ZMIZ1: variants seen among roughly 807,000 people sequenced by gnomAD.
ZMIZ1 encodes zinc finger MIZ domain-containing protein 1.
A neutral mutation model predicts 113.9 loss-of-function variants in ZMIZ1; 17 were observed. The observed-to-expected ratio is 0.15, with a 90% CI of 0.10 to 0.22. The LOEUF (loss-of-function observed/expected upper bound fraction) is 0.22, where lower values mean the gene tolerates loss of function less well. Ranked by LOEUF, ZMIZ1 falls within the 10% of genes least tolerant of loss-of-function variation. The pLI is 1.00. For synonymous variants in ZMIZ1, 607 were observed against 603.1 expected (o/e 1.01, Z -0.09); for missense variants, 1,059 against 1,477.8 (o/e 0.72, Z 4.65).
intron 1 of ZMIZ1, among the ~76,000 whole-genome samples, chr10:79,072,297 C>T (rs1017781525): frequency 1.3e-5 from 2 of 152,210 alleles, no homozygotes; most frequent in Non-Finnish European, 2.9e-5. Flanking sequence ...CTTCCCTAGC[C>T]ACAATAACAA....
At chr10:79,310,225 G>A (rs1855030960) in intron 23 of ZMIZ1, among the ~76,000 whole-genome samples, 1 of 152,126 alleles carries the variant, frequency 6.6e-6, no homozygotes, top group South Asian at 2.1e-4. Context: ...GGCTGGTGCC[G>A]ACCAAGTGGG....
At chr10:79,128,511 G>C (rs1361547259) in intron 2 of ZMIZ1, among the ~76,000 whole-genome samples, 2 of 152,196 alleles carry the variant, frequency 1.3e-5, no homozygotes, top group African/African-American at 2.4e-5. Context: ...AATCGCAGTG[G>C]GCAAAACATG....
intron 7 of ZMIZ1, among the ~76,000 whole-genome samples, chr10:79,230,069 G>C (rs1033426855): frequency 7.9e-5 from 12 of 152,162 alleles, no homozygotes; most frequent in African/African-American, 2.4e-5. Flanking sequence ...CCTGTGTGGG[G>C]ACGCTGCCCT....
chr10:79,292,508 G>T (rs1468359150), intron 11 of ZMIZ1, 152 bp downstream of exon 11: 5 of 1,048,556 alleles, frequency 4.8e-6, no homozygotes, highest in Non-Finnish European at 7.0e-6. Flanking sequence ...ATGGAAGCAT[G>T]TGGAGGTCTG....
At chr10:79,100,897 C>T (rs953643286) in intron 1 of ZMIZ1, among the ~76,000 whole-genome samples, 1 of 152,170 alleles carries the variant, frequency 6.6e-6, no homozygotes, top group African/African-American at 2.4e-5. Context: ...CCCTGGGTGC[C>T]TGCTAAACGT....
chr10:79,193,977 C>T (rs1043471473), intron 4 of ZMIZ1, among the ~76,000 whole-genome samples: 4 of 152,184 alleles, frequency 2.6e-5, no homozygotes, highest in Non-Finnish European at 5.9e-5. Flanking sequence ...GAAGTTTGTC[C>T]CTTTGGGAGT....
chr10:79,189,321 G>A lies in ZMIZ1; in HGVS notation c.-49-12263G>A, dbSNP rs184019066. The stretch of plus-strand genomic sequence containing the variant: ...TTCCCAGAGGGCCTGTAGAGTGGTG[G>A]TGTTTAACTCTGTCACGCAGGCACC... On this transcript the variant is annotated intron_variant, in intron 4 of 24. Transcript: ENST00000334512. 5.3e-5 allele frequency among the ~76,000 whole-genome samples: 8 copies of A among 152,300 alleles called. No homozygotes were observed. The East Asian group carries it at 1.4e-3, about 26-fold the overall frequency.
intron 1 of ZMIZ1, among the ~76,000 whole-genome samples, chr10:79,102,976 G>T (rs1490066545): frequency 6.6e-6 from 1 of 152,232 alleles, no homozygotes; most frequent in Non-Finnish European, 1.5e-5. Context: ...TAACATCATT[G>T]AGCAGGGCTG....
intron 7 of ZMIZ1, among the ~76,000 whole-genome samples, chr10:79,216,705 G>A (rs1228967312): frequency 1.3e-5 from 2 of 152,210 alleles, no homozygotes; most frequent in Non-Finnish European, 2.9e-5. Context: ...AGGGATTTAA[G>A]CCTAGGCCTG....
chr10:79,291,315 G>T (rs889405341), intron 10 of ZMIZ1, 139 bp downstream of exon 10: 45 of 1,123,274 alleles, frequency 4.0e-5, no homozygotes, highest in Non-Finnish European at 4.9e-5. Context: ...AGTTGAAGGG[G>T]CTCAGTCATC....
intron 2 of ZMIZ1, among the ~76,000 whole-genome samples, chr10:79,125,083 C>T (rs926107389): frequency 6.6e-6 from 1 of 152,208 alleles, no homozygotes; most frequent in African/African-American, 2.4e-5. Context: ...CCTTCATGCT[C>T]CACCACGGCC....
chr10:79,216,058 G>A lies in ZMIZ1; in HGVS notation c.175-111G>A, dbSNP rs75665251. On this transcript the variant is annotated intron_variant, in intron 6 of 24. Coordinates refer to ENST00000334512, the MANE Select transcript of ZMIZ1 (RefSeq NM_020338.4). ...CAGTGGACTTCTGGCTCTGCCTAAT[G>A]ATGGGGCACTGCCTTAGCTTGCCCA... 8.4e-6 allele frequency: 5 copies of A among 598,210 alleles called. No individual in the cohort carries two copies. In the East Asian group the frequency reaches 1.7e-4, roughly 20 times the overall value. The allele number at this position is 598,210 out of a possible 1,614,324, so 37.1% of individuals were successfully genotyped here. A position where few individuals can be genotyped will look rare whatever the true frequency, so the allele number is the denominator to read the frequency against.
intron 3 of ZMIZ1, among the ~76,000 whole-genome samples, chr10:79,153,017 G>C (rs988737987): frequency 6.6e-6 from 1 of 152,252 alleles, no homozygotes; most frequent in Non-Finnish European, 1.5e-5. Context: ...TGATGGGCAG[G>C]TGAAGGGTGA....
At chr10:79,126,812 TTGAGCTGATGCTGGGGATA>T (rs1179454629) in intron 2 of ZMIZ1, among the ~76,000 whole-genome samples, 2 of 152,142 alleles carry the variant, frequency 1.3e-5, no homozygotes, top group African/African-American at 4.8e-5. Flanking sequence ...TCTGGAGGCT[TTGAGCTGATGCTGGGGATA>T]TGAGCTGAGG....
At chr10:79,090,680 C>T (rs1235830195) in intron 1 of ZMIZ1, among the ~76,000 whole-genome samples, 5 of 152,176 alleles carry the variant, frequency 3.3e-5, no homozygotes, top group Non-Finnish European at 2.9e-5. Flanking sequence ...TGCAGCGGTG[C>T]GTTTCCTTTC....
chr10:79,086,172 A>G (rs980953927), intron 1 of ZMIZ1, among the ~76,000 whole-genome samples: 1 of 152,214 alleles, frequency 6.6e-6, no homozygotes, highest in Admixed American at 6.5e-5. Context: ...GGGCCTTGCC[A>G]TGGTTGACGG....
intron 2 of ZMIZ1, among the ~76,000 whole-genome samples, chr10:79,129,873 G>C (rs1349920536): frequency 6.6e-6 from 1 of 152,258 alleles, no homozygotes; most frequent in Admixed American, 6.5e-5. Flanking sequence ...TCAGCAGGGG[G>C]ACAGAGCGGA....
At chr10:79,153,902 C>T (rs1253066733) in intron 3 of ZMIZ1, among the ~76,000 whole-genome samples, 1 of 152,238 alleles carries the variant, frequency 6.6e-6, no homozygotes, top group Non-Finnish European at 1.5e-5. Flanking sequence ...CCACGTGTGG[C>T]CAGAATCCCA....
At chr10:79,099,539 G>A (rs1029990216) in intron 1 of ZMIZ1, among the ~76,000 whole-genome samples, 5 of 152,212 alleles carry the variant, frequency 3.3e-5, no homozygotes, top group African/African-American at 1.2e-4. Flanking sequence ...GTGCTGCACT[G>A]GGAACAGGGA....
Sources: gnomAD v4.1 joint callset for allele counts (sites outside exome capture counted in the v4.1 genomes callset) on GRCh38, gnomAD v4.1.1 for gene constraint, MANE v1.5 for transcripts, NCBI Gene and HGNC (gene_info 2026-07-23, HGNC 2026-07-21) for gene names.